BRINP1: variants seen among roughly 807,000 people sequenced by gnomAD.
The protein encoded by BRINP1 is BMP/retinoic acid inducible neural specific 1.
In BRINP1, 17 loss-of-function variants were observed where a neutral mutation model predicts 72.9. The observed-to-expected ratio is 0.23, with a 90% CI of 0.16 to 0.35. The LOEUF is 0.35. Ranked by LOEUF, BRINP1 falls within the 10% of genes least tolerant of loss-of-function variation. The probability of loss-of-function intolerance (pLI) is 1.00; values close to 1 mark genes in which losing one functional copy is unlikely to be tolerated. For synonymous variants in BRINP1, 418 were observed against 378.5 expected (o/e 1.10, Z -1.21); for missense variants, 850 against 1,001.6 (o/e 0.85, Z 2.04).
intron 7 of BRINP1, among the ~76,000 whole-genome samples, chr9:119,200,910 G>C (rs919674482): frequency 6.6e-6 from 1 of 151,878 alleles, no homozygotes; most frequent in Admixed American, 6.6e-5. Flanking sequence ...TTGAAATGAA[G>C]GGCTACTGGG....
chr9:119,262,653 A>C (rs1182660062), intron 2 of BRINP1, among the ~76,000 whole-genome samples: 2 of 151,276 alleles, frequency 1.3e-5, no homozygotes, highest in East Asian at 3.9e-4. Flanking sequence ...CTCAAAAAAA[A>C]AAAAAAAAAA....
At chr9:119,227,598 C>T (rs1249742845) in intron 5 of BRINP1, among the ~76,000 whole-genome samples, 2 of 152,036 alleles carry the variant, frequency 1.3e-5, no homozygotes, top group Non-Finnish European at 2.9e-5. Flanking sequence ...CCATTAGTGC[C>T]TCCAGGTCCC....
intron 2 of BRINP1, among the ~76,000 whole-genome samples, chr9:119,263,601 C>CTTTTTTTTTTTTTTT (rs386416080): frequency 2.5e-5 from 2 of 78,566 alleles, no homozygotes; most frequent in Admixed American, 2.2e-4. Context: ...GTAAACAATT[C>CTTTTTTTTTTTTTTT]TTTTTTTTTT....
At chr9:119,225,097 G>T (rs1002219844) in intron 5 of BRINP1, among the ~76,000 whole-genome samples, 5 of 151,940 alleles carry the variant, frequency 3.3e-5, no homozygotes, top group African/African-American at 4.8e-5. Flanking sequence ...GTTCATAGCA[G>T]CACTATTCAT....
chr9:119,245,328 C>T (rs1383377993), intron 3 of BRINP1, among the ~76,000 whole-genome samples: 1 of 152,188 alleles, frequency 6.6e-6, no homozygotes, highest in Admixed American at 6.5e-5. Flanking sequence ...GCTTTGTGAA[C>T]ATCTGTCTAT....
intron 1 of BRINP1, among the ~76,000 whole-genome samples, chr9:119,315,454 C>G (rs1408518): frequency 0.43 from 64,879 of 151,770 alleles, 14,063 homozygotes; most frequent in Non-Finnish European, 0.44. Flanking sequence ...ATCGATAAAC[C>G]TGTGTTTTCT....
chr9:119,212,976 T>G (rs1829944499), intron 6 of BRINP1, among the ~76,000 whole-genome samples: 1 of 152,206 alleles, frequency 6.6e-6, no homozygotes, highest in Admixed American at 6.5e-5. Context: ...CATTTTTTCC[T>G]TCTAAATATG....
rs547559088 is a variant in BRINP1 at position 119,226,905 on chromosome 9, T to C, written c.685+11750A>G. 3.3e-5 allele frequency among the ~76,000 whole-genome samples: 5 copies of C among 152,088 alleles called. No individual in the cohort carries two copies. The South Asian group carries it at 6.2e-4, about 19-fold the overall frequency. On this transcript the variant is annotated intron_variant, in intron 5 of 7. Coordinates refer to ENST00000265922, the MANE Select transcript of BRINP1 (RefSeq NM_014618.3). ...CCCCAGGTTGGGAAGCAAAATTATGTAGAGTTTAAGAATACCAGCACTGAG... is the reference window on the plus strand; with the variant it reads ...CCCCAGGTTGGGAAGCAAAATTATGCAGAGTTTAAGAATACCAGCACTGAG...
At chr9:119,273,413 C>T (rs117997429) in intron 2 of BRINP1, among the ~76,000 whole-genome samples, 7 of 152,234 alleles carry the variant, frequency 4.6e-5, no homozygotes, top group Admixed American at 1.3e-4. Flanking sequence ...TGGGCAGAAT[C>T]TCGGCTGGGT....
At chr9:119,265,412 C>T (rs1830537821) in intron 2 of BRINP1, among the ~76,000 whole-genome samples, 1 of 151,824 alleles carries the variant, frequency 6.6e-6, no homozygotes, top group Middle Eastern at 3.2e-3. Flanking sequence ...CCAGCCTGGT[C>T]AACATGGCAA....
At chr9:119,358,398 A>G (rs1405200496) in intron 1 of BRINP1, among the ~76,000 whole-genome samples, 1 of 151,818 alleles carries the variant, frequency 6.6e-6, no homozygotes, top group Non-Finnish European at 1.5e-5. Context: ...AAAAAAAAAA[A>G]AAAAAAAAGG....
intron 2 of BRINP1, among the ~76,000 whole-genome samples, chr9:119,250,885 A>C (rs1044532590): frequency 4.6e-5 from 7 of 152,168 alleles, no homozygotes; most frequent in African/African-American, 1.7e-4. Flanking sequence ...GAGTTTAATG[A>C]AAAGGTCTCT....
intron 7 of BRINP1, among the ~76,000 whole-genome samples, chr9:119,191,614 A>G (rs1328229888): frequency 6.6e-6 from 1 of 151,970 alleles, no homozygotes; most frequent in Admixed American, 6.6e-5. Context: ...AAATTAAAGA[A>G]GACACAAATA....
At chr9:119,302,276 T>C (rs915585689) in intron 2 of BRINP1, among the ~76,000 whole-genome samples, 9 of 152,118 alleles carry the variant, frequency 5.9e-5, no homozygotes, top group Non-Finnish European at 1.2e-4. Context: ...TGCAAAAAAT[T>C]AATAAGGAAG....
At chr9:119,214,691 T>G (rs1478386755) in intron 5 of BRINP1, among the ~76,000 whole-genome samples, 2 of 151,948 alleles carry the variant, frequency 1.3e-5, no homozygotes, top group Non-Finnish European at 2.9e-5. Flanking sequence ...TATAGACCTA[T>G]AGCAGAGAGA....
At chr9:119,323,580 A>G (rs1831211511) in intron 1 of BRINP1, among the ~76,000 whole-genome samples, 1 of 152,244 alleles carries the variant, frequency 6.6e-6, no homozygotes, top group Non-Finnish European at 1.5e-5. Context: ...AGGAATCACA[A>G]GTAAGAAATC....
chr9:119,316,814 T>G (rs1831129552), intron 1 of BRINP1, among the ~76,000 whole-genome samples: 1 of 152,182 alleles, frequency 6.6e-6, no homozygotes, highest in African/African-American at 2.4e-5. Context: ...ACATCTATTC[T>G]GCAGCCCATA....
At chr9:119,211,737 A>G (rs993295384) in intron 6 of BRINP1, among the ~76,000 whole-genome samples, 1 of 152,236 alleles carries the variant, frequency 6.6e-6, no homozygotes, top group African/African-American at 2.4e-5. Context: ...TGTGATGCAC[A>G]TACGGATGAA....
intron 2 of BRINP1, among the ~76,000 whole-genome samples, chr9:119,285,489 C>A (rs1401424531): frequency 6.6e-6 from 1 of 152,240 alleles, no homozygotes; most frequent in African/African-American, 2.4e-5. Context: ...GAGCAGTTAA[C>A]TGAACTTCCT....
Sources: gnomAD v4.1 joint callset for allele counts (sites outside exome capture counted in the v4.1 genomes callset) on GRCh38, gnomAD v4.1.1 for gene constraint, MANE v1.5 for transcripts, NCBI Gene and HGNC (gene_info 2026-07-23, HGNC 2026-07-21) for gene names.